Variants in SNTG1 observed in about 807,000 individuals in gnomAD.
SNTG1 encodes the protein syntrophin gamma 1.
In SNTG1, 39 loss-of-function variants were observed where a neutral mutation model predicts 74.7. That is an observed-to-expected ratio of 0.52 (90% CI 0.40 to 0.68). SNTG1 has a LOEUF of 0.68. Ranked by LOEUF, SNTG1 falls within the 30% of genes least tolerant of loss-of-function variation. SNTG1 has a pLI of 0.00. For synonymous variants in SNTG1, 254 were observed against 217.1 expected (o/e 1.17, Z -1.49); for missense variants, 685 against 609.5 (o/e 1.12, Z -1.30).
At chr8:50,301,026 C>T (rs577069461) in intron 2 of SNTG1, among the ~76,000 whole-genome samples, 1 of 152,112 alleles carries the variant, frequency 6.6e-6, no homozygotes, top group South Asian at 2.1e-4. Flanking sequence ...GTTTGAAAAG[C>T]CTGTGTAGAA....
At chr8:50,710,478 GAA>G (rs771655183) in intron 17 of SNTG1, among the ~76,000 whole-genome samples, 1 of 151,972 alleles carries the variant, frequency 6.6e-6, no homozygotes, top group Non-Finnish European at 1.5e-5. Context: ...TCACTAACTA[GAA>G]AAGTCAAAGT....
intron 1 of SNTG1, among the ~76,000 whole-genome samples, chr8:49,928,844 C>T (rs1005767935): frequency 6.6e-6 from 1 of 151,738 alleles, no homozygotes; most frequent in Non-Finnish European, 1.5e-5. Context: ...TTAGGACATG[C>T]ATAATTTATA....
chr8:50,067,889 G>A (rs1168048812), intron 1 of SNTG1, among the ~76,000 whole-genome samples: 4 of 152,276 alleles, frequency 2.6e-5, no homozygotes, highest in South Asian at 2.1e-4. Context: ...TCCATCAACC[G>A]TTGCTGCATG....
At chr8:49,955,174 T>C (rs564770610) in intron 1 of SNTG1, among the ~76,000 whole-genome samples, 2 of 152,348 alleles carry the variant, frequency 1.3e-5, no homozygotes, top group East Asian at 3.9e-4. Context: ...ACCAAAGACT[T>C]TGTGTAATCT....
chr8:49,987,885 C>T (rs1208146407), intron 1 of SNTG1, among the ~76,000 whole-genome samples: 4 of 151,956 alleles, frequency 2.6e-5, no homozygotes, highest in African/African-American at 9.7e-5. Flanking sequence ...CCTGACCTCG[C>T]GATCTGCCCA....
At chr8:50,587,293 T>A (rs1363662727) in intron 12 of SNTG1, among the ~76,000 whole-genome samples, 1 of 152,052 alleles carries the variant, frequency 6.6e-6, no homozygotes, top group Non-Finnish European at 1.5e-5. Context: ...AAAACTGCCT[T>A]GAAATTAGAA....
chr8:50,324,101 C>T (rs1458129499), intron 2 of SNTG1, among the ~76,000 whole-genome samples: 1 of 152,194 alleles, frequency 6.6e-6, no homozygotes, highest in Non-Finnish European at 1.5e-5. Context: ...CCCCAGAGCC[C>T]TTCAGCCTAT....
At chr8:49,988,577 A>T (rs1185811981) in intron 1 of SNTG1, among the ~76,000 whole-genome samples, 1 of 152,220 alleles carries the variant, frequency 6.6e-6, no homozygotes, top group Admixed American at 6.5e-5. Flanking sequence ...CAGAATAAAT[A>T]ATCAGAAAAT....
At chr8:50,375,576 T>C (rs184569741) in intron 2 of SNTG1, among the ~76,000 whole-genome samples, 18 of 152,252 alleles carry the variant, frequency 1.2e-4, no homozygotes, top group African/African-American at 4.3e-4. Context: ...AAAAAACATG[T>C]AGTGTCAACT....
At chr8:49,975,293 A>G (rs1812084968) in intron 1 of SNTG1, among the ~76,000 whole-genome samples, 1 of 152,178 alleles carries the variant, frequency 6.6e-6, no homozygotes, top group Non-Finnish European at 1.5e-5. Context: ...CTTTACCTAT[A>G]GTAGTGCTGG....
chr8:50,352,550 C>A (rs1473143984), intron 2 of SNTG1, among the ~76,000 whole-genome samples: 1 of 152,068 alleles, frequency 6.6e-6, no homozygotes, highest in Non-Finnish European at 1.5e-5. Context: ...GCCACCACAC[C>A]TGGCTAATTT....
rs755629601 is a variant in SNTG1 at position 49,956,100 on chromosome 8, T to C, written c.-103+43869T>C. On this transcript the variant is annotated intron_variant, in intron 1 of 18. Coordinates refer to ENST00000642720, the MANE Select transcript of SNTG1 (RefSeq NM_018967.5). ...ATCAATTGCTATTTATTTAACAGGT[T>C]TCACCGATACTAAGATCATAGGGAT... Among the ~76,000 whole-genome samples the C allele has an allele frequency of 2.0e-5, 3 of 152,342 alleles. No homozygotes were observed. In the South Asian group the frequency reaches 6.2e-4, roughly 32 times the overall value.
At chr8:50,184,324 C>T (rs904518072) in intron 2 of SNTG1, among the ~76,000 whole-genome samples, 1 of 152,174 alleles carries the variant, frequency 6.6e-6, no homozygotes, top group South Asian at 2.1e-4. Context: ...CACCACCACA[C>T]CTGGCTAGTT....
In SNTG1 at chr8:50,279,691, A is replaced by C. The variant is rs188885221; in HGVS notation, c.-28+107056A>C. Among the ~76,000 whole-genome samples, 13 of 152,332 alleles carry C rather than the reference A, an allele frequency of 8.5e-5. No individual in the cohort carries two copies. The East Asian group carries it at 2.5e-3, about 29-fold the overall frequency. On this transcript the variant is annotated intron_variant, in intron 2 of 18. Coordinates refer to ENST00000642720, the MANE Select transcript of SNTG1 (RefSeq NM_018967.5). Reference sequence around the variant, plus strand: ...TTAAAATGTGTATATCATGCATACAAGAGAGATGACCCAGATAAATTACTA... The same window carrying C: ...TTAAAATGTGTATATCATGCATACACGAGAGATGACCCAGATAAATTACTA...
chr8:50,213,755 C>G (rs894653843), intron 2 of SNTG1, among the ~76,000 whole-genome samples: 1 of 151,898 alleles, frequency 6.6e-6, no homozygotes, highest in Non-Finnish European at 1.5e-5. Flanking sequence ...TCATGTCCTT[C>G]GCCCACCTTT....
chr8:50,746,502 C>A (rs1243632383), intron 17 of SNTG1, among the ~76,000 whole-genome samples: 2 of 152,006 alleles, frequency 1.3e-5, no homozygotes, highest in Non-Finnish European at 2.9e-5. Context: ...CCTGACAGGA[C>A]TCCTCAAAGT....
chr8:50,326,513 A>T (rs1422339393), intron 2 of SNTG1, among the ~76,000 whole-genome samples: 1 of 151,698 alleles, frequency 6.6e-6, no homozygotes, highest in East Asian at 1.9e-4. Context: ...TTATTCCTTT[A>T]ATTTCCATGT....
chr8:50,380,658 C>T (rs2092464658), intron 2 of SNTG1, among the ~76,000 whole-genome samples: 1 of 152,156 alleles, frequency 6.6e-6, no homozygotes, highest in Non-Finnish European at 1.5e-5. Context: ...CTTTATCAGT[C>T]TCCTGGGCAA....
At chr8:50,263,423 A>C (rs1428828450) in intron 2 of SNTG1, among the ~76,000 whole-genome samples, 1 of 152,130 alleles carries the variant, frequency 6.6e-6, no homozygotes, top group Non-Finnish European at 1.5e-5. Context: ...TAAGGTAATA[A>C]AAAAGCAGAT....
Sources: allele counts gnomAD v4.1 joint callset (sites outside exome capture counted in the v4.1 genomes callset), GRCh38; gene constraint gnomAD v4.1.1; transcripts MANE v1.5; gene names NCBI Gene and HGNC (gene_info 2026-07-23, HGNC 2026-07-21).